The following PRR16 variants were observed in gnomAD, a reference collection of about 807,000 sequenced individuals.
PRR16 encodes proline rich 16, also known as protein Largen.
In PRR16, 6 loss-of-function variants were observed where a neutral mutation model predicts 18.2. The ratio of observed to expected loss-of-function variants is 0.33; its 90% CI spans 0.18 to 0.65. PRR16 has a LOEUF of 0.65. Ranked by LOEUF, PRR16 falls within the 30% of genes least tolerant of loss-of-function variation. The pLI, the probability that PRR16 is intolerant of heterozygous loss-of-function variation, is 0.74. For missense variants in PRR16, 412 were observed against 376.6 expected (o/e 1.09, Z -0.78); for synonymous variants, 151 against 147.8 (o/e 1.02, Z -0.16).
chr5:120,736,954 A>C, the PRR16 span, among the ~76,000 whole-genome samples: 1 of 152,106 alleles, frequency 6.6e-6, no homozygotes, highest in Non-Finnish European at 1.5e-5. Flanking sequence ...AACTTTGCTA[A>C]AGTCTGTTAT....
At chr5:120,767,234 T>C in the PRR16 span, among the ~76,000 whole-genome samples, 1 of 151,964 alleles carries the variant, frequency 6.6e-6, no homozygotes, top group African/African-American at 2.4e-5. Flanking sequence ...TGTCTTGTTA[T>C]TACAAAGACA....
rs933305479 is a variant in PRR16, at chr5:120,597,976, G to A, written c.160-87978G>A. On this transcript the variant is annotated intron_variant, in intron 1 of 1. Coordinates refer to ENST00000407149, the MANE Select transcript of PRR16 (RefSeq NM_001300783.2). ...ATGGAGGTCTCCCAGTAATGAATAT[G>A]GATTATGAATATGGAGGTCTCCCAG... Among the ~76,000 whole-genome samples the A allele has an allele frequency of 2.0e-4, 31 of 151,730 alleles. No homozygotes were observed. In the Admixed American group the frequency reaches 2.0e-3, roughly 10 times the overall value.
intron 1 of PRR16, among the ~76,000 whole-genome samples, chr5:120,628,628 TCA>T (rs1281141547): frequency 6.6e-6 from 1 of 150,778 alleles, no homozygotes; most frequent in Non-Finnish European, 1.5e-5. Context: ...AATTTTCTAC[TCA>T]TCTCTCTATC....
At chr5:120,787,440 C>A in the PRR16 span, among the ~76,000 whole-genome samples, 1 of 152,088 alleles carries the variant, frequency 6.6e-6, no homozygotes, top group East Asian at 1.9e-4. Flanking sequence ...AATATCCAAT[C>A]TTAGAATCTA....
At chr5:120,754,420 T>C in the PRR16 span, among the ~76,000 whole-genome samples, 11,437 of 94,758 alleles carry the variant, frequency 0.12, 1,343 homozygotes, top group Non-Finnish European at 0.16. Flanking sequence ...ATACTATATA[T>C]TATATAATAT....
At chr5:120,683,980 G>C (rs1757047657) in intron 1 of PRR16, among the ~76,000 whole-genome samples, 1 of 151,944 alleles carries the variant, frequency 6.6e-6, no homozygotes, top group Non-Finnish European at 1.5e-5. Flanking sequence ...AAGCAAAGTG[G>C]CTTTGGATAG....
the PRR16 span, among the ~76,000 whole-genome samples, chr5:120,711,617 A>T: frequency 2.0e-5 from 3 of 152,176 alleles, no homozygotes; most frequent in East Asian, 5.8e-4. Flanking sequence ...ATATAGTCCT[A>T]TAGATACATC....
At chr5:120,791,597 ATCTATCTATCTATCTATCT>A in the PRR16 span, among the ~76,000 whole-genome samples, 3 of 137,700 alleles carry the variant, frequency 2.2e-5, no homozygotes, top group Non-Finnish European at 3.2e-5. Flanking sequence ...CTATCTATCT[ATCTATCTATCTATCTATCT>A]ATCTATCCAT....
chr5:120,650,316 T>A (rs1323753626), intron 1 of PRR16, among the ~76,000 whole-genome samples: 1 of 151,792 alleles, frequency 6.6e-6, no homozygotes, highest in Non-Finnish European at 1.5e-5. Flanking sequence ...ATCAAATGAT[T>A]TTTTTTCTTT....
At chr5:120,551,751 G>T (rs1752261352) in intron 1 of PRR16, among the ~76,000 whole-genome samples, 4 of 151,960 alleles carry the variant, frequency 2.6e-5, no homozygotes, top group Admixed American at 2.6e-4. Context: ...CAATGCAGGG[G>T]TGTGGAGAAA....
chr5:120,754,483 A>G, the PRR16 span, among the ~76,000 whole-genome samples: 2 of 73,804 alleles, frequency 2.7e-5, no homozygotes, highest in South Asian at 4.5e-4. Context: ...ATATTATATA[A>G]TATATAGTAT....
chr5:120,713,475 C>G, the PRR16 span, among the ~76,000 whole-genome samples: 1 of 152,022 alleles, frequency 6.6e-6, no homozygotes, highest in East Asian at 1.9e-4. Flanking sequence ...TTTTCTTGAT[C>G]TTTATAGTTC....
the PRR16 span, among the ~76,000 whole-genome samples, chr5:120,791,923 T>C: frequency 6.6e-6 from 1 of 152,116 alleles, no homozygotes; most frequent in African/African-American, 2.4e-5. Flanking sequence ...TTGTTTTGCA[T>C]GATTTGAACC....
chr5:120,765,612 A>C, the PRR16 span, among the ~76,000 whole-genome samples: 14 of 152,126 alleles, frequency 9.2e-5, no homozygotes, highest in African/African-American at 3.1e-4. Context: ...ATCCATTTTT[A>C]AAAACCTTTA....
chr5:120,574,630 G>C (rs1465893489), intron 1 of PRR16, among the ~76,000 whole-genome samples: 3 of 138,650 alleles, frequency 2.2e-5, no homozygotes, highest in African/African-American at 1.0e-4. Flanking sequence ...GACGAAAAAA[G>C]GATATCCAAA....
In PRR16 at chr5:120,598,122, A is replaced by C. The variant is rs558974214; in HGVS notation, c.160-87832A>C. Reference sequence around the variant, plus strand: ...TTTTTTGTTAGTTTATGTATAGGTTACCTTGTGAGAATTTTTTTCATATTC... The same window carrying C: ...TTTTTTGTTAGTTTATGTATAGGTTCCCTTGTGAGAATTTTTTTCATATTC... On this transcript the variant is annotated intron_variant, in intron 1 of 1. Transcript: ENST00000407149. Among the ~76,000 whole-genome samples, 209 of 151,464 alleles carry C rather than the reference A, an allele frequency of 1.4e-3. 7 individuals are homozygous for C. The highest frequency in any genetic ancestry group is 1.3e-3 in the Non-Finnish European group (90 of 67,636).
chr5:120,782,314 A>G, the PRR16 span, among the ~76,000 whole-genome samples: 1 of 152,186 alleles, frequency 6.6e-6, no homozygotes, highest in East Asian at 1.9e-4. Flanking sequence ...CAAAACCACA[A>G]TCCCTCCATA....
intron 1 of PRR16, among the ~76,000 whole-genome samples, chr5:120,486,428 G>T (rs933575712): frequency 2.2e-4 from 33 of 150,958 alleles, no homozygotes; most frequent in Middle Eastern, 3.4e-3. Context: ...TCATGGGTCT[G>T]TTGGCTGCAT....
At chr5:120,774,742 A>G in the PRR16 span, among the ~76,000 whole-genome samples, 1 of 152,136 alleles carries the variant, frequency 6.6e-6, no homozygotes. Context: ...GTTCAACTCT[A>G]AACTCTAAAC....
Sources: allele counts gnomAD v4.1 joint callset (sites outside exome capture counted in the v4.1 genomes callset), GRCh38; gene constraint gnomAD v4.1.1; transcripts MANE v1.5; gene names NCBI Gene and HGNC (gene_info 2026-07-23, HGNC 2026-07-21).